ACSL5: variants seen among roughly 807,000 people sequenced by gnomAD.
ACSL5 encodes the protein long-chain-fatty-acid--CoA ligase 5.
A neutral mutation model predicts 84.9 loss-of-function variants in ACSL5; 50 were observed. The observed-to-expected ratio is 0.59, with a 90% confidence interval of 0.47 to 0.75. The LOEUF (loss-of-function observed/expected upper bound fraction) is 0.75. ACSL5 is among the 30% of genes least tolerant of loss of function. ACSL5 has a pLI of 0.00. For synonymous variants in ACSL5, 280 were observed against 300.7 expected (o/e 0.93, Z 0.71); for missense variants, 775 against 830.4 (o/e 0.93, Z 0.82).
chr10:112,376,487 G>A (rs771220300), intron 1 of ACSL5: 5 of 1,613,322 alleles, frequency 3.1e-6, no homozygotes, highest in South Asian at 1.1e-5. Flanking sequence ...CAGCAAGGGG[G>A]TCTTGTGAGG....
chr10:112,407,983 A>G (rs3780955), intron 5 of ACSL5, among the ~76,000 whole-genome samples: 86,424 of 151,656 alleles, frequency 0.57, 25,222 homozygotes, highest in Admixed American at 0.69. Flanking sequence ...AGCAGTATTT[A>G]CAACTGTCCC....
rs2133592379 is a variant in ACSL5 at position 112,394,925 on chromosome 10, T to C, written c.-22T>C. 6.2e-7 allele frequency: 1 copy of C among 1,612,864 alleles called. No homozygotes were observed. The highest frequency in any genetic ancestry group is 2.2e-5 in the East Asian group (1 of 44,862). On this transcript the variant is annotated 5_prime_UTR_variant, in exon 2 of 21. Coordinates refer to ENST00000354655, the MANE Select transcript of ACSL5 (RefSeq NM_203379.2). ...CCCTGTTTTTTTTTTAAGGTCTGAA[T>C]TTCCTGCTGCTGTTCACAAAGATGC...
intron 13 of ACSL5, 131 bp downstream of exon 13, chr10:112,417,153 C>T: frequency 2.3e-6 from 2 of 873,150 alleles, no homozygotes; most frequent in East Asian, 2.9e-5. Context: ...GTGTCCACTG[C>T]CTTTTGAGAT....
chr10:112,383,142 G>A (rs924574370), intron 1 of ACSL5, among the ~76,000 whole-genome samples: 3 of 152,162 alleles, frequency 2.0e-5, no homozygotes, highest in Non-Finnish European at 2.9e-5. Context: ...AACAAAAGCC[G>A]AGTGTGGTTG....
chr10:112,383,456 A>T (rs796336411), intron 1 of ACSL5, among the ~76,000 whole-genome samples: 6 of 152,342 alleles, frequency 3.9e-5, no homozygotes, highest in African/African-American at 1.4e-4. Context: ...CTTCTTAGCT[A>T]CTTGGAATGA....
chr10:112,422,711 C>T (rs1335628250), intron 17 of ACSL5, among the ~76,000 whole-genome samples: 1 of 151,970 alleles, frequency 6.6e-6, no homozygotes, highest in East Asian at 1.9e-4. Context: ...CAAAAATTAG[C>T]TGGGCATGGT....
At chr10:112,385,023 T>C (rs1409675545) in intron 1 of ACSL5, among the ~76,000 whole-genome samples, 1 of 152,228 alleles carries the variant, frequency 6.6e-6, no homozygotes, top group Admixed American at 6.5e-5. Flanking sequence ...GTGGAAGTAC[T>C]GTAATTTGTT....
rs1843986755 is a variant in ACSL5 at position 112,404,581 on chromosome 10, T to G, written c.330+6T>G. 2 of 1,611,912 alleles carry G rather than the reference T, an allele frequency of 1.2e-6. No homozygotes were observed. Among genetic ancestry groups the G allele is most frequent in the African/African-American group, 2.7e-5 (2 of 74,858 alleles). On this transcript the variant is annotated splice_donor_region_variant and intron_variant, in intron 4 of 20. Coordinates refer to ENST00000354655, the MANE Select transcript of ACSL5 (RefSeq NM_203379.2). ...GATGGCTATCTTACAAACAGGTAAG[T>G]TGAGTCCATGTTTTTAGACAGATTC...
chr10:112,421,998 C>G lies in ACSL5; in HGVS notation c.1439C>G (p.Ala480Gly), dbSNP rs757932229. 2.5e-6 allele frequency: 4 copies of G among 1,614,076 alleles called. No homozygotes were observed. In the Admixed American group the frequency reaches 6.7e-5, roughly 27 times the overall value. The change falls in exon 16 of 21, where the codon GCT (alanine) becomes GGT (glycine). Residue 480 changes from alanine (A) to glycine (G), a missense_variant. Ala to Gly is a moderately conservative substitution (Grantham distance 60). Transcript: ENST00000354655. The stretch of plus-strand genomic sequence containing the variant: ...AATTACGTGAAGCTGGAAGATGTGG[C>G]TGACATGAACTACTTTACAGTGAAT... Reference protein sequence around the residue: ...ACNYVKLEDVADMNYFTVNNE... With the variant: ...ACNYVKLEDVGDMNYFTVNNE...
chr10:112,385,046 T>C (rs1347953460), intron 1 of ACSL5, among the ~76,000 whole-genome samples: 2 of 152,234 alleles, frequency 1.3e-5, no homozygotes, highest in East Asian at 3.8e-4. Context: ...ATTCTTCTCC[T>C]ATCAAGGAAG....
chr10:112,393,406 G>A (rs11195941), intron 1 of ACSL5, among the ~76,000 whole-genome samples: 14 of 152,324 alleles, frequency 9.2e-5, no homozygotes, highest in Non-Finnish European at 1.9e-4. Flanking sequence ...TCGAGAGGCA[G>A]AAAGATAGTA....
At chr10:112,396,269 A>G (rs930105206) in intron 2 of ACSL5, 1 of 152,056 alleles carries the variant, frequency 6.6e-6, no homozygotes, top group Non-Finnish European at 1.5e-5. Flanking sequence ...CTCTCTTCAT[A>G]ATAGGGTTTT....
intron 2 of ACSL5, among the ~76,000 whole-genome samples, chr10:112,397,530 G>A (rs778947031): frequency 2.0e-5 from 3 of 151,980 alleles, no homozygotes; most frequent in Non-Finnish European, 4.4e-5. Context: ...TCTGCGCTGC[G>A]TTTTCTTACC....
chr10:112,380,029 T>A (rs1849318720), intron 1 of ACSL5, among the ~76,000 whole-genome samples: 1 of 152,208 alleles, frequency 6.6e-6, no homozygotes, highest in Non-Finnish European at 1.5e-5. Context: ...CTTCTGACAC[T>A]GCTTCTTCTT....
At position 112,422,350 on chromosome 10, in the gene ACSL5, T is replaced by G; in HGVS notation, c.1502T>G (p.Phe501Cys). 5 of 1,614,122 alleles carry G rather than the reference T, an allele frequency of 3.1e-6. No individual in the cohort carries two copies. The highest frequency in any genetic ancestry group is 3.4e-6 in the Non-Finnish European group (4 of 1,180,022). ...GTCTGCATCAAGGGTACAAACGTGT[T>G]CAAAGGATACCTGAAGGACCCTGAG... Reference protein sequence around the residue: ...GEVCIKGTNVFKGYLKDPEKT... With the variant: ...GEVCIKGTNVCKGYLKDPEKT... The change falls in exon 17 of 21, where the codon TTC becomes TGC. Residue 501 changes from phenylalanine (F) to cysteine (C), a missense_variant. Coordinates refer to ENST00000354655, the MANE Select transcript of ACSL5 (RefSeq NM_203379.2).
chr10:112,424,248 T>C (rs939539863), intron 17 of ACSL5, among the ~76,000 whole-genome samples: 1 of 152,256 alleles, frequency 6.6e-6, no homozygotes, highest in Non-Finnish European at 1.5e-5. Flanking sequence ...AAGGAAATTA[T>C]TGCAAGGGCA....
At position 112,427,436 on chromosome 10, in the gene ACSL5, T is replaced by C; in HGVS notation, c.*78T>C. The C allele has an allele frequency of 7.2e-7, 1 of 1,397,408 alleles. No individual in the cohort carries two copies. Among genetic ancestry groups the C allele is most frequent in the Non-Finnish European group, 9.5e-7 (1 of 1,048,760 alleles). 86.6% of individuals were successfully genotyped at this position (1,397,408 alleles called of 1,614,324 possible). A position where few individuals can be genotyped will look rare whatever the true frequency, so the allele number is the denominator to read the frequency against. ...GGATTAAAAACTATTCTTACATTTG[T>C]TTTGCCTTTCCTCCTATTTTTTTTT... On this transcript the variant is annotated 3_prime_UTR_variant, in exon 21 of 21. Transcript: ENST00000354655.
chr10:112,392,312 A>C, intron 1 of ACSL5, among the ~76,000 whole-genome samples: 1 of 147,458 alleles, frequency 6.8e-6, no homozygotes, highest in South Asian at 2.3e-4. Context: ...TCTTTACAAA[A>C]AATTAAAGAA....
chr10:112,420,968 C>T lies in ACSL5; in HGVS notation c.1315-625C>T, dbSNP rs139230121. On this transcript the variant is annotated intron_variant, in intron 14 of 20. Transcript: ENST00000354655. The stretch of plus-strand genomic sequence containing the variant: ...AACTCATGACCTCAGGTGATCCTCC[C>T]GCCTTGGCTTCCCAAAGTGCTGGGA... Among the ~76,000 whole-genome samples the T allele has an allele frequency of 5.1e-3, 775 of 152,036 alleles. 8 individuals are homozygous for T. The highest frequency in any genetic ancestry group is 0.018 in the African/African-American group (736 of 41,460).
Sources: gnomAD v4.1 joint callset for allele counts (sites outside exome capture counted in the v4.1 genomes callset) on GRCh38, gnomAD v4.1.1 for gene constraint, MANE v1.5 for transcripts, NCBI Gene and HGNC (gene_info 2026-07-23, HGNC 2026-07-21) for gene names.